The following BIRC6 variants were observed in gnomAD, a reference collection of about 807,000 sequenced individuals.
BIRC6 encodes the protein dual E2 ubiquitin-conjugating enzyme/E3 ubiquitin-protein ligase BIRC6.
A neutral mutation model predicts 503.3 loss-of-function variants in BIRC6; 98 were observed. The ratio of observed to expected loss-of-function variants is 0.19; its 90% confidence interval spans 0.17 to 0.23. The LOEUF (loss-of-function observed/expected upper bound fraction) is 0.23. Ranked by LOEUF, BIRC6 falls within the 10% of genes least tolerant of loss-of-function variation. The pLI is 1.00. For synonymous variants in BIRC6, 2,240 were observed against 2,078.7 expected, an observed-to-expected ratio of 1.08 and a Z score of -2.11; for missense variants, 5,360 against 5,806.0, an observed-to-expected ratio of 0.92 and a Z score of 2.50.
intron 39 of BIRC6, among the ~76,000 whole-genome samples, chr2:32,484,865 G>GTA (rs1308052942): frequency 6.6e-6 from 1 of 152,116 alleles, no homozygotes; most frequent in African/African-American, 2.4e-5. Context: ...TTTTGTGTGT[G>GTA]TATAGTTCAC....
At chr2:32,412,349 T>G (rs1307209442) in intron 9 of BIRC6, among the ~76,000 whole-genome samples, 5 of 151,684 alleles carry the variant, frequency 3.3e-5, no homozygotes, top group Non-Finnish European at 7.4e-5. Context: ...ATACAAAAAT[T>G]AGCCAGGCGT....
At chr2:32,449,348 A>G (rs1373932777) in intron 22 of BIRC6, among the ~76,000 whole-genome samples, 1 of 152,240 alleles carries the variant, frequency 6.6e-6, no homozygotes, top group Non-Finnish European at 1.5e-5. Context: ...ATGCACAAAC[A>G]AAAGATAATT....
chr2:32,380,782 T>G (rs926708204), intron 3 of BIRC6, among the ~76,000 whole-genome samples: 4 of 152,182 alleles, frequency 2.6e-5, no homozygotes, highest in Admixed American at 2.6e-4. Context: ...AAGCTTAACT[T>G]CAGTTTGTGG....
Position 32,515,648 on chromosome 2 carries a change from C to G in BIRC6, c.11227C>G (p.Leu3743Val). 9 of 1,611,098 alleles carry G rather than the reference C, an allele frequency of 5.6e-6. No homozygotes were observed. Among genetic ancestry groups the G allele is most frequent in the Non-Finnish European group, 5.9e-6 (7 of 1,179,868 alleles). ...AQQTSARSAS[L>V]SSAATTGLTT... ...ACAGACCAGTGCAAGATCAGCTTCT[C>G]TTTCTTCAGCTGCTACAACAGGACT... Residue 3743 changes from leucine to valine, a missense_variant, in exon 55 of 74, where the codon CTT becomes GTT. Physicochemically the swap from Leu to Val is conservative, Grantham distance 32 (BLOSUM62 1). This residue lies in a region of BIRC6 where 878 missense variants were observed against 928.9 expected (regional missense o/e 0.95). Coordinates refer to ENST00000421745, the MANE Select transcript of BIRC6 (RefSeq NM_016252.4).
intron 61 of BIRC6, among the ~76,000 whole-genome samples, chr2:32,534,270 A>G (rs2057015858): frequency 6.7e-6 from 1 of 149,266 alleles, no homozygotes; most frequent in South Asian, 2.2e-4. Flanking sequence ...GCCGTTCAGG[A>G]GGCTGAGGCA....
At chr2:32,578,978 T>A (rs1475500771) in intron 66 of BIRC6, among the ~76,000 whole-genome samples, 14 of 28,838 alleles carry the variant, frequency 4.9e-4, no homozygotes, top group African/African-American at 3.3e-3. Flanking sequence ...TTTATATACC[T>A]AATATATATA....
intron 15 of BIRC6, among the ~76,000 whole-genome samples, chr2:32,439,134 A>G (rs935537506): frequency 9.9e-5 from 15 of 152,162 alleles, no homozygotes; most frequent in African/African-American, 3.4e-4. Flanking sequence ...CTGGATGGAT[A>G]TACGTTCTGT....
At chr2:32,466,249 A>C (rs1224312981) in intron 26 of BIRC6, among the ~76,000 whole-genome samples, 1 of 152,194 alleles carries the variant, frequency 6.6e-6, no homozygotes, top group African/African-American at 2.4e-5. Flanking sequence ...ACCCACCCCA[A>C]AACAATAAGG....
chr2:32,485,869 G>T, intron 40 of BIRC6, 110 bp downstream of exon 40: 1 of 709,750 alleles, frequency 1.4e-6, no homozygotes, highest in South Asian at 2.0e-5. Context: ...GTGAGTCTGA[G>T]GGGACTTAGT....
chr2:32,548,964 C>T (rs1411718623), intron 64 of BIRC6: 1 of 160,112 alleles, frequency 6.2e-6, no homozygotes, highest in East Asian at 1.8e-4. Flanking sequence ...TAGAATGCTC[C>T]TTCTAGTATA....
chr2:32,471,573 C>T (rs1300632058), intron 32 of BIRC6, among the ~76,000 whole-genome samples: 1 of 152,074 alleles, frequency 6.6e-6, no homozygotes, highest in East Asian at 1.9e-4. Flanking sequence ...GAGTTGTAAG[C>T]TTTCTTTATA....
intron 40 of BIRC6, 99 bp downstream of exon 40, chr2:32,485,858 T>C (rs902598949): frequency 3.7e-6 from 3 of 800,476 alleles, no homozygotes; most frequent in African/African-American, 1.7e-5. Flanking sequence ...AATTCCATGA[T>C]GTGAGTCTGA....
chr2:32,357,198 G>C lies in BIRC6; in HGVS notation c.37G>C (p.Val13Leu). 1 of 1,541,152 alleles carries C rather than the reference G, an allele frequency of 6.5e-7. No individual in the cohort carries two copies. The highest frequency in any genetic ancestry group is 8.7e-7 in the Non-Finnish European group (1 of 1,150,202). The change falls in exon 1 of 74, where the codon GTC becomes CTC. Residue 13 changes from valine (V) to leucine (L), a missense_variant. By Grantham distance (32) the Val-to-Leu change is conservative. Coordinates refer to ENST00000421745, the MANE Select transcript of BIRC6 (RefSeq NM_016252.4). The surrounding 1 kb of genome is among the most constrained non-coding windows in gnomAD (Gnocchi z 4.9). The part of the protein sequence containing the change: ...TGGGAAPPGT[V>L]TEPLPSVIVL... ...TGGTGGTGCTGCACCTCCCGGGACT[G>C]TCACTGAGCCGCTTCCCAGTGTGAT...
At chr2:32,512,829 A>G (rs1432304769) in intron 53 of BIRC6, 104 bp from the exon 54 acceptor site, 7 of 804,328 alleles carry the variant, frequency 8.7e-6, no homozygotes, top group Non-Finnish European at 1.4e-5. Flanking sequence ...TTAGTGCATT[A>G]TTCTCATAAA....
intron 1 of BIRC6, among the ~76,000 whole-genome samples, chr2:32,373,780 T>C (rs969838189): frequency 5.9e-5 from 9 of 152,220 alleles, no homozygotes; most frequent in African/African-American, 2.2e-4. Context: ...CAAGGAGATA[T>C]TTGTACACCA....
At chr2:32,541,312 T>C (rs2057646070) in intron 61 of BIRC6, among the ~76,000 whole-genome samples, 1 of 152,106 alleles carries the variant, frequency 6.6e-6, no homozygotes, top group Non-Finnish European at 1.5e-5. Flanking sequence ...CTATTTCATA[T>C]TGTCATTCTG....
Position 32,586,267 on chromosome 2 carries a change from T to TA in BIRC6, c.13356-7639dup, listed in dbSNP as rs60753270. Among the ~76,000 whole-genome samples the TA allele has an allele frequency of 7.8e-3, 1,170 of 150,734 alleles. 9 individuals are homozygous for TA. Among genetic ancestry groups the TA allele is most frequent in the Admixed American group, 0.014 (204 of 15,074 alleles). The stretch of plus-strand genomic sequence containing the variant: ...AAGTGATTTAAAAAAAAAAACAACT[T>TA]AAAAAAAAATTATAAATTGACTTAG... On this transcript the variant is annotated intron_variant, in intron 66 of 73. Transcript: ENST00000421745.
intron 33 of BIRC6, among the ~76,000 whole-genome samples, chr2:32,475,402 T>C (rs1171430785): frequency 6.6e-6 from 1 of 152,162 alleles, no homozygotes; most frequent in East Asian, 1.9e-4. Context: ...TTCATTGTTG[T>C]CGACTGCTGA....
rs2062873093 is a variant in BIRC6 at position 32,611,542 on chromosome 2, G to A, written c.14354G>A (p.Arg4785Gln). The change falls in exon 73 of 74, where the codon CGG becomes CAG. Residue 4785 changes from arginine (R) to glutamine (Q), a missense_variant. Arg to Gln is a conservative substitution (Grantham distance 43, BLOSUM62 1). This residue lies in a region of BIRC6 where 140 missense variants were observed against 130.2 expected (regional missense o/e 1.07). Transcript: ENST00000421745. The stretch of plus-strand genomic sequence containing the variant: ...ATCCAGCAGTACAGCAGTGATAAGC[G>A]GGTAGGCAGGACTATGTCTCACCAT... The part of the protein sequence containing the change: ...ADIQQYSSDK[R>Q]VGRTMSHHAA... 8.7e-6 allele frequency: 14 copies of A among 1,602,114 alleles called. No homozygotes were observed. Among genetic ancestry groups the A allele is most frequent in the Non-Finnish European group, 1.2e-5 (14 of 1,172,872 alleles).
Sources: gnomAD v4.1 joint callset for allele counts (sites outside exome capture counted in the v4.1 genomes callset) on GRCh38, gnomAD v4.1.1 for gene constraint, gnomAD v4.1.1 regional missense constraint, Gnocchi (gnomAD v3.1) non-coding constraint, MANE v1.5 for transcripts, NCBI Gene and HGNC (gene_info 2026-07-23, HGNC 2026-07-21) for gene names.